Variants in AGBL4 observed in about 807,000 individuals in gnomAD.
The protein encoded by AGBL4 is AGBL carboxypeptidase 4.
AGBL4 carries 58 observed loss-of-function variants against 66.4 expected under a neutral mutation model. The ratio of observed to expected loss-of-function variants is 0.87; its 90% CI spans 0.71 to 1.09. AGBL4 has a LOEUF of 1.09. AGBL4 is among the 50% of genes least tolerant of loss of function. The pLI, the probability that AGBL4 is intolerant of heterozygous loss-of-function variation, is 0.00. For synonymous variants in AGBL4, 234 were observed against 222.9 expected (o/e 1.05, Z -0.44); for missense variants, 579 against 631.0 (o/e 0.92, Z 0.88).
intron 3 of AGBL4, among the ~76,000 whole-genome samples, chr1:49,598,743 C>T (rs1049309753): frequency 6.6e-6 from 1 of 152,112 alleles, no homozygotes; most frequent in Non-Finnish European, 1.5e-5. Context: ...CTGCTCTCTT[C>T]AAAGCTGTCA....
chr1:49,842,039 C>A, intron 2 of AGBL4: 1 of 384,686 alleles, frequency 2.6e-6, no homozygotes, highest in South Asian at 2.6e-5. Context: ...CACGTGCAGC[C>A]TCCTCCTTGT....
intron 6 of AGBL4, among the ~76,000 whole-genome samples, chr1:48,858,994 A>G (rs1647271565): frequency 6.6e-6 from 1 of 152,022 alleles, no homozygotes; most frequent in Non-Finnish European, 1.5e-5. Flanking sequence ...GATTGCACAT[A>G]TCTACCCATT....
chr1:49,031,647 C>A (rs1410925279), intron 5 of AGBL4, among the ~76,000 whole-genome samples: 1 of 151,980 alleles, frequency 6.6e-6, no homozygotes, highest in Non-Finnish European at 1.5e-5. Context: ...AATAAGCACA[C>A]AAAAAGATAC....
chr1:48,963,224 C>T (rs553341481), intron 5 of AGBL4, among the ~76,000 whole-genome samples: 1 of 151,976 alleles, frequency 6.6e-6, no homozygotes, highest in African/African-American at 2.4e-5. Context: ...AACTAACCTA[C>T]TCTCCTGACA....
At chr1:48,772,568 G>A (rs2148697986) in intron 6 of AGBL4, among the ~76,000 whole-genome samples, 1 of 152,280 alleles carries the variant, frequency 6.6e-6, no homozygotes, top group Admixed American at 6.5e-5. Context: ...GTAAGGTGGG[G>A]CTGGGATAGA....
intron 3 of AGBL4, among the ~76,000 whole-genome samples, chr1:49,318,851 T>A (rs1281922175): frequency 1.3e-5 from 2 of 152,098 alleles, no homozygotes; most frequent in African/African-American, 4.8e-5. Context: ...CTTACAAGTA[T>A]CTTGCTTACA....
chr1:49,323,087 T>G (rs1645159113), intron 3 of AGBL4, among the ~76,000 whole-genome samples: 1 of 152,242 alleles, frequency 6.6e-6, no homozygotes, highest in South Asian at 2.1e-4. Flanking sequence ...TGTAAATGCT[T>G]AAAACCCTGA....
At chr1:49,931,102 A>C (rs1216109924) in intron 1 of AGBL4, among the ~76,000 whole-genome samples, 1 of 152,242 alleles carries the variant, frequency 6.6e-6, no homozygotes, top group Non-Finnish European at 1.5e-5. Context: ...GTTTATTTCT[A>C]CATATCCGCA....
chr1:49,877,040 A>C (rs1433545193), intron 1 of AGBL4, among the ~76,000 whole-genome samples: 1 of 151,820 alleles, frequency 6.6e-6, no homozygotes, highest in East Asian at 1.9e-4. Flanking sequence ...GTTGATTATC[A>C]GCTTAAGGAG....
intron 11 of AGBL4, among the ~76,000 whole-genome samples, chr1:48,550,484 T>C (rs1181469359): frequency 6.6e-6 from 1 of 152,164 alleles, no homozygotes; most frequent in Non-Finnish European, 1.5e-5. Flanking sequence ...ATACATGTGA[T>C]TGTATTTAGG....
chr1:49,960,673 T>C (rs866075407), intron 1 of AGBL4, among the ~76,000 whole-genome samples: 10 of 152,148 alleles, frequency 6.6e-5, no homozygotes, highest in African/African-American at 2.4e-4. Flanking sequence ...GTGTATCTCA[T>C]GGATAAGTAC....
At chr1:49,259,889 T>C (rs1182816609) in intron 3 of AGBL4, among the ~76,000 whole-genome samples, 3 of 144,024 alleles carry the variant, frequency 2.1e-5, no homozygotes, top group African/African-American at 5.2e-5. Context: ...TATTCCAAAA[T>C]TGACCACATA....
chr1:49,786,885 G>A (rs1387736746), intron 2 of AGBL4, among the ~76,000 whole-genome samples: 1 of 152,096 alleles, frequency 6.6e-6, no homozygotes, highest in Non-Finnish European at 1.5e-5. Context: ...CTACATTACT[G>A]CAGTGGCAGT....
chr1:48,587,470 C>G (rs943821563), intron 10 of AGBL4, among the ~76,000 whole-genome samples: 5 of 151,692 alleles, frequency 3.3e-5, no homozygotes, highest in African/African-American at 1.2e-4. Context: ...ATAATCAGAA[C>G]TAACATTTGG....
intron 4 of AGBL4, among the ~76,000 whole-genome samples, chr1:49,103,526 G>C (rs1389391109): frequency 1.3e-5 from 2 of 152,190 alleles, no homozygotes; most frequent in Non-Finnish European, 2.9e-5. Context: ...ACTGCCCACA[G>C]TCACACAGGC....
At chr1:50,000,757 T>C (rs1660687167) in intron 1 of AGBL4, among the ~76,000 whole-genome samples, 1 of 152,084 alleles carries the variant, frequency 6.6e-6, no homozygotes, top group African/African-American at 2.4e-5. Flanking sequence ...AACTAAATAA[T>C]GGCATTCACA....
chr1:49,527,067 T>C (rs960701633), intron 3 of AGBL4, among the ~76,000 whole-genome samples: 1 of 152,176 alleles, frequency 6.6e-6, no homozygotes, highest in South Asian at 2.1e-4. Flanking sequence ...AAATACTATG[T>C]GTCAGATCCT....
At chr1:49,130,353 A>G (rs1397849205) in intron 4 of AGBL4, among the ~76,000 whole-genome samples, 1 of 152,090 alleles carries the variant, frequency 6.6e-6, no homozygotes, top group Non-Finnish European at 1.5e-5. Flanking sequence ...TTCGGTTGCC[A>G]TTGCTTTTGG....
In AGBL4 at chr1:48,668,763, T is replaced by A. The variant is rs1872278; in HGVS notation, c.635-5522A>T. Among the ~76,000 whole-genome samples, 324 of 152,280 alleles carry A rather than the reference T, an allele frequency of 2.1e-3. 2 individuals are homozygous for A. Among genetic ancestry groups the A allele is most frequent in the African/African-American group, 7.6e-3 (314 of 41,542 alleles). Reference sequence around the variant, plus strand: ...TGATTTTATCAGCAATGTGAGGATATCACTGTGTTGATGAGACAGACAATA... The same window carrying A: ...TGATTTTATCAGCAATGTGAGGATAACACTGTGTTGATGAGACAGACAATA... On this transcript the variant is annotated intron_variant, in intron 6 of 13. Coordinates refer to ENST00000371839, the MANE Select transcript of AGBL4 (RefSeq NM_032785.4).
Sources: allele counts gnomAD v4.1 joint callset (sites outside exome capture counted in the v4.1 genomes callset), GRCh38; gene constraint gnomAD v4.1.1; transcripts MANE v1.5; gene names NCBI Gene and HGNC (gene_info 2026-07-23, HGNC 2026-07-21).